The following SEC16A variants were observed in gnomAD, a reference collection of about 807,000 sequenced individuals.
SEC16A encodes protein transport protein Sec16A.
In SEC16A, 110 loss-of-function variants were observed where a neutral mutation model predicts 221.9. The observed-to-expected ratio is 0.50, with a 90% CI of 0.42 to 0.58. The LOEUF (loss-of-function observed/expected upper bound fraction) is 0.58. Among genes scored for constraint, SEC16A ranks in the 20% least tolerant of loss-of-function variants. The probability of loss-of-function intolerance (pLI) is 0.00; values close to 1 mark genes in which losing one functional copy is unlikely to be tolerated. For synonymous variants in SEC16A, 1,393 were observed against 1,257.7 expected, an observed-to-expected ratio of 1.11 and a Z score of -2.28; for missense variants, 3,165 against 3,097.8, an observed-to-expected ratio of 1.02 and a Z score of -0.52.
rs1221941254 is a variant in SEC16A, at chr9:136,446,458, T to G, written c.6792+397A>C. Among the ~76,000 whole-genome samples, 14 of 152,026 alleles carry G rather than the reference T, an allele frequency of 9.2e-5. No individual in the cohort carries two copies. The East Asian group carries it at 2.3e-3, about 25-fold the overall frequency. ...GGGAGTCATTTGTTTTTTGTTTTTT[T>G]TTTTTGGATGAAAATATACTTAACT... On this transcript the variant is annotated intron_variant, in intron 28 of 31. Transcript: ENST00000684901.
chr9:136,449,039 C>A (rs1837427852), intron 23 of SEC16A, among the ~76,000 whole-genome samples: 1 of 152,120 alleles, frequency 6.6e-6, no homozygotes, highest in South Asian at 2.1e-4. Flanking sequence ...ATTTTACTGT[C>A]ATTTAAATAG....
At position 136,440,559 on chromosome 9, in the gene SEC16A, C is replaced by T. The variant is rs1836079389; in HGVS notation, c.*1196G>A. The T allele has an allele frequency of 6.5e-6, 1 of 152,680 alleles. No homozygotes were observed. The highest frequency in any genetic ancestry group is 1.5e-5 in the Non-Finnish European group (1 of 68,040). 9.5% of individuals were successfully genotyped at this position (152,680 alleles called of 1,614,324 possible). ...TTAGTATTTAAATCTTTTCTTCAGTCTCTTTAGACTTGACAAGAATACGAA... is the reference window on the plus strand; with the variant it reads ...TTAGTATTTAAATCTTTTCTTCAGTTTCTTTAGACTTGACAAGAATACGAA... On this transcript the variant is annotated 3_prime_UTR_variant, in exon 32 of 32. Transcript: ENST00000684901.
intron 20 of SEC16A, among the ~76,000 whole-genome samples, chr9:136,454,654 C>T (rs1028039898): frequency 7.2e-5 from 11 of 152,162 alleles, no homozygotes; most frequent in African/African-American, 1.9e-4. Context: ...CCCTCCTCCA[C>T]GGCCAGGGGT....
intron 1 of SEC16A, among the ~76,000 whole-genome samples, chr9:136,481,277 AGGCGCCCGCCACCTCGCCC>A (rs1161717458): frequency 1.3e-5 from 2 of 151,628 alleles, no homozygotes; most frequent in African/African-American, 4.8e-5. Context: ...CTGGGACTAC[AGGCGCCCGCCACCTCGCCC>A]GGCTAATTTT....
In SEC16A at chr9:136,443,825, G is replaced by A. The variant is rs1836553099; in HGVS notation, c.7003C>T (p.Gln2335Ter). The A allele has an allele frequency of 1.2e-6, 2 of 1,611,526 alleles. No homozygotes were observed. The highest frequency in any genetic ancestry group is 1.7e-6 in the Non-Finnish European group (2 of 1,178,832). Residue 2335 changes from glutamine to a stop codon, truncating the protein, a stop_gained and splice_region_variant, in exon 31 of 32, where the codon CAG (glutamine) becomes TAG (stop). Transcript: ENST00000684901. LOFTEE classifies it high-confidence loss of function. Reference protein sequence around the residue: ...MPFYNPAQLAQACATSGSSRL... With the variant: ...MPFYNPAQLA ...AGGGAAAGGTAGGAGTCACTCACCT[G>A]TGCCAGCTGAGCAGGGTTGTAGAAG...
At chr9:136,470,217 C>T (rs1042478109) in intron 4 of SEC16A, among the ~76,000 whole-genome samples, 12 of 152,222 alleles carry the variant, frequency 7.9e-5, no homozygotes, top group African/African-American at 2.9e-4. Flanking sequence ...AAGGCAGCCG[C>T]AGGATCCGAA....
At position 136,477,362 on chromosome 9, in the gene SEC16A, C is replaced by A; in HGVS notation, c.254G>T (p.Gly85Val). ...AAGCAAACCGGGGTGCTGAGAAAACCCTGCGGGGGCTGGGCCTTGCAAGAC... is the reference window on the plus strand; with the variant it reads ...AAGCAAACCGGGGTGCTGAGAAAACACTGCGGGGGCTGGGCCTTGCAAGAC... ...PPVLQGPAPA[G>V]FSQHPGLLVP... The change falls in exon 3 of 32, where the codon GGG becomes GTG. Residue 85 changes from glycine to valine, a missense_variant. Physicochemically the swap from Gly to Val is moderately radical, Grantham distance 109. This residue lies in a region of SEC16A where 2,030 missense variants were observed against 1,923.1 expected (regional missense o/e 1.06). Transcript: ENST00000684901. 6.2e-7 allele frequency: 1 copy of A among 1,613,954 alleles called. No homozygotes were observed. The highest frequency in any genetic ancestry group is 1.3e-5 in the African/African-American group (1 of 75,030).
intron 21 of SEC16A, 142 bp downstream of exon 21, chr9:136,453,967 A>G (rs1838241820): frequency 3.8e-6 from 3 of 799,278 alleles, no homozygotes; most frequent in Non-Finnish European, 6.2e-6. Flanking sequence ...CCAGTCTGTA[A>G]CTTCCAGAAT....
Position 136,466,879 on chromosome 9 carries a change from C to G in SEC16A, c.3929+78G>C. ...AAACTACCACAGCTCTTTGTTAAAA[C>G]CCAGACATGAGGGCAGAGAAGCACT... On this transcript the variant is annotated intron_variant, in intron 6 of 31. Coordinates refer to ENST00000684901, the MANE Select transcript of SEC16A (RefSeq NM_014866.2). The surrounding 1 kb of genome is among the most constrained non-coding windows in gnomAD (Gnocchi z 5.5). 2 of 1,500,298 alleles carry G rather than the reference C, an allele frequency of 1.3e-6. No homozygotes were observed. Among genetic ancestry groups the G allele is most frequent in the South Asian group, 2.5e-5 (2 of 80,494 alleles). The allele number at this position is 1,500,298 out of a possible 1,614,324, so 92.9% of individuals were successfully genotyped here. A position where few individuals can be genotyped will look rare whatever the true frequency, so the allele number is the denominator to read the frequency against.
In SEC16A at chr9:136,475,222, T is replaced by C. The variant is rs996534398; in HGVS notation, c.2394A>G (p.Gly798=). ...CCTGGGACTGAAGGGCCTCCTCCTC[T>C]CCCATTTTGGGAGGATTCTCAAGGT... ...SENLENPPKM[G]EEEALQSQAS... The change falls in exon 3 of 32, where the codon GGA becomes GGG. Residue 798 remains glycine, a synonymous_variant. Coordinates refer to ENST00000684901, the MANE Select transcript of SEC16A (RefSeq NM_014866.2). The surrounding 1 kb of genome is among the most constrained non-coding windows in gnomAD (Gnocchi z 5.0). 6.2e-7 allele frequency: 1 copy of C among 1,613,656 alleles called. No homozygotes were observed. The highest frequency in any genetic ancestry group is 1.1e-5 in the South Asian group (1 of 91,070).
At chr9:136,470,144 T>TC (rs1588979158) in intron 4 of SEC16A, among the ~76,000 whole-genome samples, 2 of 152,202 alleles carry the variant, frequency 1.3e-5, no homozygotes, top group East Asian at 3.9e-4. Flanking sequence ...AGACGTGTGC[T>TC]CCCCAACCAA....
At position 136,474,167 on chromosome 9, in the gene SEC16A, C is replaced by A. The variant is rs752513068; in HGVS notation, c.3449G>T (p.Gly1150Val). The A allele has an allele frequency of 1.9e-6, 3 of 1,613,074 alleles. No homozygotes were observed. The highest frequency in any genetic ancestry group is 2.5e-6 in the Non-Finnish European group (3 of 1,179,838). Residue 1150 changes from glycine to valine, a missense_variant, in exon 3 of 32, where the codon GGC becomes GTC. By Grantham distance (109) the Gly-to-Val change is moderately radical (BLOSUM62 -3). Transcript: ENST00000684901. ...GGCGGCCAGGTCCTGAGGCGGTGGGCCGGGGGCAAGTGCAGGCACTGGCTG... is the reference window on the plus strand; with the variant it reads ...GGCGGCCAGGTCCTGAGGCGGTGGGACGGGGGCAAGTGCAGGCACTGGCTG... ...WPQPVPALAPGPPPQDLAAYY... is the reference protein window; with the variant it reads ...WPQPVPALAPVPPPQDLAAYY...
chr9:136,466,432 G>A lies in SEC16A; in HGVS notation c.3960C>T (p.Tyr1320=), dbSNP rs368962662. The A allele has an allele frequency of 1.2e-5, 19 of 1,607,226 alleles. No homozygotes were observed. The highest frequency in any genetic ancestry group is 9.3e-5 in the African/African-American group (7 of 74,874). The change falls in exon 7 of 32, where the codon TAC becomes TAT. Residue 1320 remains tyrosine, a synonymous_variant. Coordinates refer to ENST00000684901, the MANE Select transcript of SEC16A (RefSeq NM_014866.2). The surrounding 1 kb of genome is among the most constrained non-coding windows in gnomAD (Gnocchi z 5.5). The part of the protein sequence containing the change: ...RPEKRDNNWR[Y]DPRFTGSFDD... ...CAAAACTCCCCGTGAAGCGAGGATC[G>A]TACCTCCAGTTGTTGTCACGTTTCT... is the stretch of plus-strand genomic sequence containing the variant.
At chr9:136,467,590 C>G (rs1052908814) in intron 5 of SEC16A, among the ~76,000 whole-genome samples, 1 of 152,106 alleles carries the variant, frequency 6.6e-6, no homozygotes, top group Non-Finnish European at 1.5e-5. Context: ...TAATGTGACT[C>G]ATAAGGTTTT....
chr9:136,470,799 A>C lies in SEC16A; in HGVS notation c.3704+1176T>G, dbSNP rs185449126. Among the ~76,000 whole-genome samples the C allele has an allele frequency of 1.7e-3, 256 of 152,392 alleles. 2 individuals carry two copies. Among genetic ancestry groups the C allele is most frequent in the African/African-American group, 5.9e-3 (245 of 41,602 alleles). ...GAACCTTTCAAAAACAAGTGCAGGT[A>C]CAAAGTCTTCATTAATGAGTAGCTT... On this transcript the variant is annotated intron_variant, in intron 4 of 31. Transcript: ENST00000684901.
At chr9:136,479,383 T>C (rs945906672) in intron 1 of SEC16A, among the ~76,000 whole-genome samples, 40 of 152,220 alleles carry the variant, frequency 2.6e-4, no homozygotes, top group Admixed American at 2.0e-4. Flanking sequence ...GACGGAGTCT[T>C]GCTCTGTCGC....
rs760610941 is a variant in SEC16A, at chr9:136,476,562, C to A, written c.1054G>T (p.Gly352Trp). The part of the protein sequence containing the change: ...SPENRTHHPL[G>W]AGAGSGCAPL... Reference sequence around the variant, plus strand: ...GCACAGCCAGACCCGGCCCCAGCCCCCAGTGGGTGGTGCGTACGGTTTTCT... The same window carrying A: ...GCACAGCCAGACCCGGCCCCAGCCCACAGTGGGTGGTGCGTACGGTTTTCT... The change falls in exon 3 of 32, where the codon GGG (glycine) becomes TGG (tryptophan). Residue 352 changes from glycine to tryptophan, a missense_variant. Coordinates refer to ENST00000684901, the MANE Select transcript of SEC16A (RefSeq NM_014866.2). 16 of 1,610,632 alleles carry A rather than the reference C, an allele frequency of 9.9e-6. No individual in the cohort carries two copies. The highest frequency in any genetic ancestry group is 1.2e-5 in the Non-Finnish European group (14 of 1,177,682).
At chr9:136,454,692 T>G (rs970674742) in intron 20 of SEC16A, among the ~76,000 whole-genome samples, 1 of 152,222 alleles carries the variant, frequency 6.6e-6, no homozygotes, top group Non-Finnish European at 1.5e-5. Flanking sequence ...CATTCCTTCA[T>G]TCTTCCGACT....
At chr9:136,465,824 C>A (rs1006553985) in intron 8 of SEC16A, 138 bp downstream of exon 8, 4 of 908,144 alleles carry the variant, frequency 4.4e-6, no homozygotes, top group Non-Finnish European at 6.5e-6. Context: ...CCCTGCTTCT[C>A]GGAAGGACGG....
Sources: gnomAD v4.1 joint callset for allele counts (sites outside exome capture counted in the v4.1 genomes callset) on GRCh38, gnomAD v4.1.1 for gene constraint, gnomAD v4.1.1 regional missense constraint, Gnocchi (gnomAD v3.1) non-coding constraint, MANE v1.5 for transcripts, NCBI Gene and HGNC (gene_info 2026-07-23, HGNC 2026-07-21) for gene names.